AAK1: variants seen among roughly 807,000 people sequenced by gnomAD.
The protein encoded by AAK1 is AP2 associated kinase 1, also known as AP2-associated protein kinase 1.
Under a neutral mutation model 116.0 loss-of-function variants are expected in AAK1, and 37 were observed. That is an observed-to-expected ratio of 0.32 (90% confidence interval 0.25 to 0.42). AAK1 has a LOEUF of 0.42. Among genes scored for constraint, AAK1 ranks in the 10% least tolerant of loss-of-function variants. The pLI is 1.00. For missense variants in AAK1, 919 were observed against 1,170.6 expected, an observed-to-expected ratio of 0.79 and a Z score of 3.14; for synonymous variants, 458 against 439.9, an observed-to-expected ratio of 1.04 and a Z score of -0.51.
intron 13 of AAK1, among the ~76,000 whole-genome samples, chr2:69,512,158 C>T (rs986995192): frequency 3.3e-5 from 5 of 151,874 alleles, no homozygotes; most frequent in African/African-American, 9.7e-5. Context: ...AGAGAGACCA[C>T]GGGAGAAGGA....
At chr2:69,571,121 T>C (rs1208807063) in intron 2 of AAK1, among the ~76,000 whole-genome samples, 1 of 152,210 alleles carries the variant, frequency 6.6e-6, no homozygotes, top group African/African-American at 2.4e-5. Context: ...TTTTTATTCA[T>C]TGTACGAAAC....
chr2:69,542,918 C>G (rs1168905450), intron 4 of AAK1, among the ~76,000 whole-genome samples: 1 of 152,130 alleles, frequency 6.6e-6, no homozygotes, highest in Non-Finnish European at 1.5e-5. Flanking sequence ...GTGAGCTGCC[C>G]TCATTATGTC....
chr2:69,611,991 T>TG (rs1195850424), intron 2 of AAK1, among the ~76,000 whole-genome samples: 1 of 152,054 alleles, frequency 6.6e-6, no homozygotes, highest in African/African-American at 2.4e-5. Flanking sequence ...GCCAGGGGCT[T>TG]GGGGGAGAAA....
At position 69,474,386 on chromosome 2, in the gene AAK1, A is replaced by C. The variant is rs1285839444; in HGVS notation, c.*1483T>G. The C allele has an allele frequency of 1.0e-6, 1 of 985,728 alleles. No homozygotes were observed. Among genetic ancestry groups the C allele is most frequent in the Admixed American group, 6.1e-5 (1 of 16,270 alleles). 61.1% of individuals were successfully genotyped at this position (985,728 alleles called of 1,614,324 possible). A position where few individuals can be genotyped will look rare whatever the true frequency, so the allele number is the denominator to read the frequency against. ...TTCTTTTCAAAAGGGTGATTTTATA[A>C]AAGTGCTTTCCACATAAGGAAATAA... On this transcript the variant is annotated 3_prime_UTR_variant, in exon 22 of 22. Transcript: ENST00000409085.
At chr2:69,553,717 C>A (rs556248974) in intron 3 of AAK1, among the ~76,000 whole-genome samples, 5 of 151,132 alleles carry the variant, frequency 3.3e-5, no homozygotes, top group Non-Finnish European at 5.9e-5. Flanking sequence ...GCTGGGATTA[C>A]GGGCATGAGC....
chr2:69,614,704 G>A (rs563121606), intron 2 of AAK1, among the ~76,000 whole-genome samples: 6 of 152,322 alleles, frequency 3.9e-5, no homozygotes, highest in Admixed American at 1.3e-4. Context: ...CTTTGTAGGT[G>A]TAATTAATTG....
At chr2:69,575,537 T>C (rs1427580016) in intron 2 of AAK1, among the ~76,000 whole-genome samples, 1 of 148,992 alleles carries the variant, frequency 6.7e-6, no homozygotes, top group Non-Finnish European at 1.5e-5. Context: ...TGGCGCAATC[T>C]CGGCTCACTG....
rs565461344 is a variant in AAK1 at position 69,463,535 on chromosome 2, T to A, written c.*12334A>T. On this transcript the variant is annotated 3_prime_UTR_variant, in exon 22 of 22. Coordinates refer to ENST00000409085, the MANE Select transcript of AAK1 (RefSeq NM_014911.5). ...TCATTATTTTATTTAATTTTATTTT[T>A]TAGACTCGCTCTGTCGCCCAGGCCA... is the stretch of plus-strand genomic sequence containing the variant. The A allele has an allele frequency of 6.6e-6, 1 of 152,234 alleles. No homozygotes were observed. Among genetic ancestry groups the A allele is most frequent in the South Asian group, 2.1e-4 (1 of 4,808 alleles). The allele number at this position is 152,234 out of a possible 1,614,324, so 9.4% of individuals were successfully genotyped here. A position where few individuals can be genotyped will look rare whatever the true frequency, so the allele number is the denominator to read the frequency against.
chr2:69,566,955 C>T (rs1671895933), intron 2 of AAK1, among the ~76,000 whole-genome samples: 1 of 152,216 alleles, frequency 6.6e-6, no homozygotes, highest in South Asian at 2.1e-4. Context: ...TGCTGAAAGA[C>T]ATCAGAAACT....
intron 5 of AAK1, among the ~76,000 whole-genome samples, chr2:69,534,957 G>A (rs767040643): frequency 1.9e-4 from 29 of 152,260 alleles, no homozygotes; most frequent in Middle Eastern, 3.4e-3. Context: ...TAGAGAAAAG[G>A]GCACTGTGTT....
intron 10 of AAK1, among the ~76,000 whole-genome samples, chr2:69,522,855 C>T (rs185512214): frequency 6.6e-6 from 1 of 151,924 alleles, no homozygotes; most frequent in East Asian, 1.9e-4. Context: ...GGGAGGTGAG[C>T]AGGCTTCTGT....
chr2:69,640,086 C>A (rs917750263), intron 2 of AAK1, among the ~76,000 whole-genome samples: 1 of 149,796 alleles, frequency 6.7e-6, no homozygotes, highest in Non-Finnish European at 1.5e-5. Flanking sequence ...CTCTCCCCCC[C>A]CACATATATA....
At chr2:69,593,142 G>C (rs761228516) in intron 2 of AAK1, among the ~76,000 whole-genome samples, 6 of 152,188 alleles carry the variant, frequency 3.9e-5, no homozygotes, top group Non-Finnish European at 7.3e-5. Flanking sequence ...GAAGCATTCA[G>C]AAAGTAGACA....
chr2:69,578,588 C>T (rs529890221), intron 2 of AAK1, among the ~76,000 whole-genome samples: 1 of 152,166 alleles, frequency 6.6e-6, no homozygotes, highest in Non-Finnish European at 1.5e-5. Context: ...TACCAACACT[C>T]TGAAGTCCTA....
intron 11 of AAK1, among the ~76,000 whole-genome samples, chr2:69,519,460 T>TTG (rs1261700331): frequency 6.6e-6 from 1 of 152,222 alleles, no homozygotes; most frequent in East Asian, 1.9e-4. Context: ...AGGTTCAATA[T>TTG]TGCCTCCTTA....
intron 16 of AAK1, among the ~76,000 whole-genome samples, chr2:69,499,365 C>T (rs937687344): frequency 1.3e-5 from 2 of 152,180 alleles, no homozygotes; most frequent in Non-Finnish European, 1.5e-5. Flanking sequence ...TCATTCAAAC[C>T]GTATTTCTCA....
chr2:69,594,174 T>A (rs1673159274), intron 2 of AAK1, among the ~76,000 whole-genome samples: 1 of 152,202 alleles, frequency 6.6e-6, no homozygotes, highest in Admixed American at 6.5e-5. Flanking sequence ...GGTATATCTC[T>A]AAATTCAAAG....
intron 5 of AAK1, among the ~76,000 whole-genome samples, chr2:69,539,246 G>C (rs772308508): frequency 7.2e-5 from 11 of 152,218 alleles, no homozygotes; most frequent in Non-Finnish European, 1.3e-4. Flanking sequence ...GCCACAGGGG[G>C]AATAAGACAG....
chr2:69,571,182 G>A (rs1371612391), intron 2 of AAK1, among the ~76,000 whole-genome samples: 1 of 152,146 alleles, frequency 6.6e-6, no homozygotes, highest in Non-Finnish European at 1.5e-5. Flanking sequence ...ATAATGATTA[G>A]AGATGTATTA....
Sources: allele counts gnomAD v4.1 joint callset (sites outside exome capture counted in the v4.1 genomes callset), GRCh38; gene constraint gnomAD v4.1.1; transcripts MANE v1.5; gene names NCBI Gene and HGNC (gene_info 2026-07-23, HGNC 2026-07-21).